The following KAT8 variants were observed in gnomAD, a reference collection of about 807,000 sequenced individuals.
KAT8 encodes the protein lysine acetyltransferase 8, also known as histone acetyltransferase KAT8.
Under a neutral mutation model 62.9 loss-of-function variants are expected in KAT8, and 40 were observed. The ratio of observed to expected loss-of-function variants is 0.64; its 90% CI spans 0.49 to 0.83. The LOEUF is 0.83. Ranked by LOEUF, KAT8 falls within the 40% of genes least tolerant of loss-of-function variation. The pLI is 0.00. For missense variants in KAT8, 387 were observed against 614.8 expected, an observed-to-expected ratio of 0.63 and a Z score of 3.92; for synonymous variants, 278 against 254.5, an observed-to-expected ratio of 1.09 and a Z score of -0.88.
chr16:31,129,861 C>G (rs572146486), intron 6 of KAT8, among the ~76,000 whole-genome samples, 156 bp from the exon 7 acceptor site: 25 of 152,358 alleles, frequency 1.6e-4, no homozygotes, highest in African/African-American at 6.0e-4. Flanking sequence ...TTCCAGTTCC[C>G]TGTTCGTCAG....
At chr16:31,128,516 G>T (rs2057549658) in intron 6 of KAT8, among the ~76,000 whole-genome samples, 1 of 151,970 alleles carries the variant, frequency 6.6e-6, no homozygotes, top group Admixed American at 6.6e-5. Context: ...CTGTACTCCA[G>T]CCTGGTCGTC....
intron 5 of KAT8, 78 bp from the exon 6 acceptor site, chr16:31,127,972 A>C: frequency 1.0e-6 from 1 of 991,030 alleles, no homozygotes; most frequent in South Asian, 1.3e-5. Context: ...GACTTGCTCC[A>C]AAGCATGCAG....
chr16:31,121,599 C>A lies in KAT8; in HGVS notation c.462+1085C>A, dbSNP rs374477638. On this transcript the variant is annotated intron_variant, in intron 3 of 10. Coordinates refer to ENST00000219797, the MANE Select transcript of KAT8 (RefSeq NM_032188.3). ...TGATTTTGGTTTTTTTCTTAAGAGA[C>A]GGGAGTCTTGGTGTGTTGCTCAGGC... Among the ~76,000 whole-genome samples, 27 of 152,106 alleles carry A rather than the reference C, an allele frequency of 1.8e-4. 1 individual carries two copies. The East Asian group carries it at 4.4e-3, about 25-fold the overall frequency.
intron 1 of KAT8, chr16:31,118,730 C>T (rs1266063160): frequency 2.0e-5 from 3 of 152,128 alleles, no homozygotes; most frequent in African/African-American, 7.2e-5. Context: ...TCACTGTGTC[C>T]TCTGTACCCG....
chr16:31,131,243 A>G lies in KAT8; in HGVS notation c.1361A>G (p.Lys454Arg). The G allele has an allele frequency of 7.4e-6, 12 of 1,614,180 alleles. No individual in the cohort carries two copies. The highest frequency in any genetic ancestry group is 1.0e-5 in the Non-Finnish European group (12 of 1,180,018). ...KWAPPKHKQV[K>R]LSKK ...GCACCCCCCAAGCACAAGCAAGTCA[A>G]GCTCTCCAAGAAGTGAGCAGCCTGG... Residue 454 changes from lysine (K) to arginine (R), a missense_variant, in exon 11 of 11, where the codon AAG (lysine) becomes AGG (arginine). By Grantham distance (26) the Lys-to-Arg change is conservative (BLOSUM62 2). Transcript: ENST00000219797.
chr16:31,127,487 T>A (rs1596824066), intron 5 of KAT8, 134 bp downstream of exon 5: 1 of 904,848 alleles, frequency 1.1e-6, no homozygotes, highest in East Asian at 2.5e-5. Flanking sequence ...AGGGAAGAGC[T>A]GCTGGGGGTC....
intron 3 of KAT8, among the ~76,000 whole-genome samples, chr16:31,123,416 T>C (rs1320763396): frequency 3.3e-5 from 5 of 151,758 alleles, no homozygotes; most frequent in African/African-American, 4.8e-5. Context: ...AGGGTTTCAC[T>C]ATGTTTGGCC....
chr16:31,122,637 T>C (rs1404708029), intron 3 of KAT8: 3 of 152,198 alleles, frequency 2.0e-5, no homozygotes, highest in Non-Finnish European at 4.4e-5. Context: ...CCCAGCACTT[T>C]GGGAGGCCAA....
Position 31,131,181 on chromosome 16 carries a change from C to G in KAT8, c.1313-14C>G. ...CCCAGGCCCAGCCCTGCCTCCCGCC[C>G]CTTCTCCCCACAGTGGACTCCGTCT... On this transcript the variant is annotated splice_polypyrimidine_tract_variant and intron_variant, in intron 10 of 10. Transcript: ENST00000219797. 6.2e-7 allele frequency: 1 copy of G among 1,613,792 alleles called. No homozygotes were observed. The highest frequency in any genetic ancestry group is 8.5e-7 in the Non-Finnish European group (1 of 1,179,830).
rs577410516 is a variant in KAT8 at position 31,130,353 on chromosome 16, C to G, written c.999C>G (p.Ile333Met). The change falls in exon 8 of 11, where the codon ATC becomes ATG. Residue 333 changes from isoleucine to methionine, a missense_variant. Physicochemically the swap from Ile to Met is conservative, Grantham distance 10. Coordinates refer to ENST00000219797, the MANE Select transcript of KAT8 (RefSeq NM_032188.3). The stretch of plus-strand genomic sequence containing the variant: ...GCCGCGGCTACGGGAAGTTCCTCAT[C>G]GCTTTCAGTGAGTGGTTCCTGGCCT... ...YQRRGYGKFLIAFSYELSKLE... is the reference protein window; with the variant it reads ...YQRRGYGKFLMAFSYELSKLE... The G allele has an allele frequency of 6.2e-7, 1 of 1,614,208 alleles. No homozygotes were observed. Among genetic ancestry groups the G allele is most frequent in the East Asian group, 2.2e-5 (1 of 44,880 alleles).
intron 10 of KAT8, 112 bp from the exon 11 acceptor site, chr16:31,131,083 C>T: frequency 6.5e-7 from 1 of 1,531,394 alleles, no homozygotes; most frequent in Non-Finnish European, 8.8e-7. Context: ...ACAGCCTGCC[C>T]TTTTGTTCTC....
At chr16:31,127,426 G>A (rs2143986488) in intron 5 of KAT8, 73 bp downstream of exon 5, 2 of 1,529,040 alleles carry the variant, frequency 1.3e-6, no homozygotes, top group Non-Finnish European at 1.8e-6. Flanking sequence ...GAGACTGAGG[G>A]CGGCTGCGCC....
In KAT8 at chr16:31,117,806, C is replaced by G; in HGVS notation, c.125C>G (p.Ser42Cys). The stretch of plus-strand genomic sequence containing the variant: ...ACCGCCCCATCCCCGGGCCGCGTCT[C>G]TCCGCCGACCCCGGCGCGCGGCGAG... ...EGTAPSPGRV[S>C]PPTPARGEPE... The change falls in exon 1 of 11, where the codon TCT (serine) becomes TGT (cysteine). Residue 42 changes from serine (S) to cysteine (C), a missense_variant. Physicochemically the swap from Ser to Cys is moderately radical, Grantham distance 112 (BLOSUM62 -1). This residue lies in a region of KAT8 where 92 missense variants were observed against 78.8 expected (regional missense o/e 1.17). Transcript: ENST00000219797. 1 of 1,429,284 alleles carries G rather than the reference C, an allele frequency of 7.0e-7. No homozygotes were observed. Among genetic ancestry groups the G allele is most frequent in the Non-Finnish European group, 9.2e-7 (1 of 1,081,472 alleles). 88.5% of individuals were successfully genotyped at this position (1,429,284 alleles called of 1,614,324 possible). A position where few individuals can be genotyped will look rare whatever the true frequency, so the allele number is the denominator to read the frequency against.
In KAT8 at chr16:31,131,279, C is replaced by T. The variant is rs909839892; in HGVS notation, c.*20C>T. ...AAGTGAGCAGCCTGGCCCCTGCTGT[C>T]GGACCTGAGCCTCCTGGCTCCCAGC... On this transcript the variant is annotated 3_prime_UTR_variant, in exon 11 of 11. Coordinates refer to ENST00000219797, the MANE Select transcript of KAT8 (RefSeq NM_032188.3). 18 of 1,613,846 alleles carry T rather than the reference C, an allele frequency of 1.1e-5. No homozygotes were observed. Among genetic ancestry groups the T allele is most frequent in the Admixed American group, 5.0e-5 (3 of 59,984 alleles).
chr16:31,131,314 T>C lies in KAT8; in HGVS notation c.*55T>C. 1 of 1,593,948 alleles carries C rather than the reference T, an allele frequency of 6.3e-7. No individual in the cohort carries two copies. Among genetic ancestry groups the C allele is most frequent in the Non-Finnish European group, 8.6e-7 (1 of 1,165,130 alleles). On this transcript the variant is annotated 3_prime_UTR_variant, in exon 11 of 11. Coordinates refer to ENST00000219797, the MANE Select transcript of KAT8 (RefSeq NM_032188.3). Reference sequence around the variant, plus strand: ...CCTCCTGGCTCCCAGCCTGTAAATATGTATAGACCTGTTTTGTCATTTTTT... The same window carrying C: ...CCTCCTGGCTCCCAGCCTGTAAATACGTATAGACCTGTTTTGTCATTTTTT...
chr16:31,119,316 A>G (rs2057475567), intron 1 of KAT8, among the ~76,000 whole-genome samples: 1 of 151,762 alleles, frequency 6.6e-6, no homozygotes, highest in Non-Finnish European at 1.5e-5. Flanking sequence ...CACCCAGCTA[A>G]TTTTTGTATT....
chr16:31,117,979 C>A (rs1470031517), intron 1 of KAT8, 87 bp downstream of exon 1: 5 of 983,766 alleles, frequency 5.1e-6, no homozygotes, highest in South Asian at 3.7e-5. Flanking sequence ...TCAGTGAGGC[C>A]AAGATCCGGG....
Position 31,120,440 on chromosome 16 carries a change from C to G in KAT8, c.388C>G (p.Leu130Val). ...QKNSEKYLSE[L>V]AEQPERKITR... ...GAACTCAGAGAAGTACCTGAGCGAG[C>G]TCGCAGAGCAGCCTGAGCGCAAGAT... The change falls in exon 3 of 11, where the codon CTC (leucine) becomes GTC (valine). Residue 130 changes from leucine (L) to valine (V), a missense_variant. Physicochemically the swap from Leu to Val is conservative, Grantham distance 32 (BLOSUM62 1). Transcript: ENST00000219797. The G allele has an allele frequency of 6.2e-7, 1 of 1,613,946 alleles. No individual in the cohort carries two copies. Among genetic ancestry groups the G allele is most frequent in the Non-Finnish European group, 8.5e-7 (1 of 1,180,012 alleles).
intron 3 of KAT8, chr16:31,120,795 G>A (rs1030465383): frequency 1.6e-5 from 6 of 364,142 alleles, no homozygotes; most frequent in Non-Finnish European, 3.0e-5. Context: ...TAGTAGCTGT[G>A]TCTTAGTAGA....
Sources: gnomAD v4.1 joint callset for allele counts (sites outside exome capture counted in the v4.1 genomes callset) on GRCh38, gnomAD v4.1.1 for gene constraint, gnomAD v4.1.1 regional missense constraint, MANE v1.5 for transcripts, NCBI Gene and HGNC (gene_info 2026-07-23, HGNC 2026-07-21) for gene names.